The following HROB variants were observed in gnomAD, a reference collection of about 807,000 sequenced individuals.
HROB encodes homologous recombination OB-fold protein.
A neutral mutation model predicts 61.0 loss-of-function variants in HROB; 44 were observed. That is an observed-to-expected ratio of 0.72 (90% confidence interval 0.57 to 0.93). The LOEUF is 0.93. HROB is among the 40% of genes least tolerant of loss of function. The pLI is 0.00. For synonymous variants in HROB, 301 were observed against 310.4 expected (o/e 0.97, Z 0.32); for missense variants, 716 against 796.2 (o/e 0.90, Z 1.21).
intron 1 of HROB, among the ~76,000 whole-genome samples, chr17:44,144,615 A>G (rs1449698759): frequency 2.6e-5 from 4 of 151,258 alleles, no homozygotes; most frequent in South Asian, 4.2e-4. Context: ...GGGTCTCACT[A>G]TGTTGCCCAG....
intron 3 of HROB, among the ~76,000 whole-genome samples, chr17:44,149,378 A>G (rs1318961807): frequency 4.0e-5 from 6 of 151,824 alleles, no homozygotes; most frequent in Non-Finnish European, 8.8e-5. Flanking sequence ...CCTCTTGAGT[A>G]GCTGGGACTA....
chr17:44,147,711 C>T (rs781216956), intron 2 of HROB, 147 bp from the exon 3 acceptor site: 32 of 790,900 alleles, frequency 4.0e-5, no homozygotes, highest in Non-Finnish European at 5.6e-5. Context: ...GCTGGGATTA[C>T]AGGCATGAGC....
chr17:44,147,028 A>AGTGTGTGT (rs143062329), intron 2 of HROB, among the ~76,000 whole-genome samples: 1 of 147,982 alleles, frequency 6.8e-6, no homozygotes, highest in Non-Finnish European at 1.5e-5. Flanking sequence ...ATCTCTGTGT[A>AGTGTGTGT]GTGTGTGTGT....
intron 1 of HROB, among the ~76,000 whole-genome samples, chr17:44,142,378 C>T (rs1050219334): frequency 6.6e-6 from 1 of 152,110 alleles, no homozygotes; most frequent in African/African-American, 2.4e-5. Flanking sequence ...TGCCTTCCTA[C>T]CCTCCTGGGA....
intron 4 of HROB, among the ~76,000 whole-genome samples, chr17:44,151,485 C>T (rs1332578103): frequency 6.6e-6 from 1 of 152,144 alleles, no homozygotes; most frequent in African/African-American, 2.4e-5. Context: ...GGTTGACCTG[C>T]TCTGCCCTCA....
At chr17:44,151,908 G>A (rs1445323975) in intron 4 of HROB, among the ~76,000 whole-genome samples, 3 of 151,768 alleles carry the variant, frequency 2.0e-5, no homozygotes, top group Admixed American at 6.6e-5. Flanking sequence ...GTGCAGTGTC[G>A]TGATCTCGGC....
intron 1 of HROB, among the ~76,000 whole-genome samples, chr17:44,144,735 T>C (rs929271058): frequency 1.5e-5 from 2 of 135,258 alleles, no homozygotes; most frequent in Non-Finnish European, 3.0e-5. Context: ...TTTAGAATAC[T>C]TGGGTCTTTT....
intron 2 of HROB, among the ~76,000 whole-genome samples, chr17:44,146,031 C>T (rs930872529): frequency 1.3e-5 from 2 of 152,106 alleles, no homozygotes; most frequent in African/African-American, 4.8e-5. Flanking sequence ...TCCCTGCCCC[C>T]GGCAGCCCCC....
chr17:44,150,989 T>A lies in HROB; in HGVS notation c.1253T>A (p.Met418Lys), dbSNP rs2053785821. 1 of 1,613,086 alleles carries A rather than the reference T, an allele frequency of 6.2e-7. No individual in the cohort carries two copies. Among genetic ancestry groups the A allele is most frequent in the Non-Finnish European group, 8.5e-7 (1 of 1,179,902 alleles). Residue 418 changes from methionine to lysine, a missense_variant, in exon 4 of 10, where the codon ATG becomes AAG. By Grantham distance (95) the Met-to-Lys change is moderately conservative (BLOSUM62 -1). Transcript: ENST00000585683. ...QQSGRSLEDI[M>K]VSAPQTPTHG... ...AGTGGGAGAAGTCTGGAGGACATCA[T>A]GGTTTCCGCGCCCCAAACTCCAACC...
intron 9 of HROB, among the ~76,000 whole-genome samples, chr17:44,159,373 G>C (rs2054064308): frequency 6.6e-6 from 1 of 152,210 alleles, no homozygotes. Flanking sequence ...AGAGCTGAAG[G>C]GACATTGTGA....
rs747890538 is a variant in HROB at position 44,148,691 on chromosome 17, C to G, written c.888C>G (p.Phe296Leu). The part of the protein sequence containing the change: ...GTIQSSPQNR[F>L]PCQPFQSPSS... ...TTCAGAGCAGCCCTCAAAATCGTTT[C>G]CCTTGTCAGCCATTCCAGTCTCCAA... Residue 296 changes from phenylalanine to leucine, a missense_variant, in exon 3 of 10, where the codon TTC becomes TTG. Phe to Leu is a conservative substitution (Grantham distance 22, BLOSUM62 0). Coordinates refer to ENST00000585683, the MANE Select transcript of HROB (RefSeq NM_001171251.3). 2.5e-6 allele frequency: 4 copies of G among 1,614,010 alleles called. No homozygotes were observed. Among genetic ancestry groups the G allele is most frequent in the African/African-American group, 1.3e-5 (1 of 74,924 alleles).
chr17:44,147,548 C>A (rs1348203882), intron 2 of HROB, among the ~76,000 whole-genome samples: 1 of 150,784 alleles, frequency 6.6e-6, no homozygotes, highest in Non-Finnish European at 1.5e-5. Flanking sequence ...AGTGATTCTC[C>A]TGCCTCAGCC....
At position 44,148,503 on chromosome 17, in the gene HROB, A is replaced by G. The variant is rs747470626; in HGVS notation, c.700A>G (p.Ile234Val). 2.5e-6 allele frequency: 4 copies of G among 1,614,114 alleles called. No individual in the cohort carries two copies. Among genetic ancestry groups the G allele is most frequent in the Middle Eastern group, 1.6e-4 (1 of 6,062 alleles). Reference sequence around the variant, plus strand: ...CCAGGATGAGTCTCTAGATCCTGTCATCCAATGTAGGACTCCACGACCCCC... The same window carrying G: ...CCAGGATGAGTCTCTAGATCCTGTCGTCCAATGTAGGACTCCACGACCCCC... Reference protein sequence around the residue: ...SAQDESLDPVIQCRTPRPPLR... With the variant: ...SAQDESLDPVVQCRTPRPPLR... Residue 234 changes from isoleucine to valine, a missense_variant, in exon 3 of 10, where the codon ATC (isoleucine) becomes GTC (valine). Physicochemically the swap from Ile to Val is conservative, Grantham distance 29. Coordinates refer to ENST00000585683, the MANE Select transcript of HROB (RefSeq NM_001171251.3).
At chr17:44,156,631 C>G (rs1370178845) in intron 8 of HROB, among the ~76,000 whole-genome samples, 1 of 151,762 alleles carries the variant, frequency 6.6e-6, no homozygotes, top group Admixed American at 6.6e-5. Flanking sequence ...TTTCCTAGGA[C>G]TAACCATGGT....
At chr17:44,144,070 C>T (rs527853188) in intron 1 of HROB, among the ~76,000 whole-genome samples, 29 of 151,612 alleles carry the variant, frequency 1.9e-4, no homozygotes, top group African/African-American at 5.1e-4. Context: ...CTCTACCTCC[C>T]GGGTTCAAGC....
At chr17:44,159,137 A>AAGT (rs1373167638) in intron 9 of HROB, among the ~76,000 whole-genome samples, 2 of 152,128 alleles carry the variant, frequency 1.3e-5, no homozygotes, top group African/African-American at 4.8e-5. Context: ...TCTGGCCCCA[A>AAGT]AGTTCACAGG....
At chr17:44,159,364 G>C (rs2054064139) in intron 9 of HROB, among the ~76,000 whole-genome samples, 1 of 152,192 alleles carries the variant, frequency 6.6e-6, no homozygotes, top group Admixed American at 6.5e-5. Context: ...ATAGAGTCAA[G>C]AGCTGAAGGG....
In HROB at chr17:44,161,859, C is replaced by A. The variant is rs1292971381; in HGVS notation, c.1880-12C>A. ...TTGTCACTAAGGCTACCCATCATTC[C>A]CCTCTCTGTAGATGACCTGGATGGA... On this transcript the variant is annotated splice_polypyrimidine_tract_variant and intron_variant, in intron 9 of 9. Transcript: ENST00000585683. 6.2e-7 allele frequency: 1 copy of A among 1,613,436 alleles called. No individual in the cohort carries two copies. Among genetic ancestry groups the A allele is most frequent in the Middle Eastern group, 1.6e-4 (1 of 6,062 alleles).
chr17:44,146,408 T>G (rs1180119102), intron 2 of HROB, among the ~76,000 whole-genome samples: 2 of 152,222 alleles, frequency 1.3e-5, no homozygotes, highest in Non-Finnish European at 2.9e-5. Context: ...GATGTGTCCT[T>G]GTCTTTGTCT....
Sources: allele counts gnomAD v4.1 joint callset (sites outside exome capture counted in the v4.1 genomes callset), GRCh38; gene constraint gnomAD v4.1.1; transcripts MANE v1.5; gene names NCBI Gene and HGNC (gene_info 2026-07-23, HGNC 2026-07-21).